RPS6KC1: variants seen among roughly 807,000 people sequenced by gnomAD.
RPS6KC1 encodes the protein inactive ribosomal protein S6 kinase delta-1.
RPS6KC1 carries 54 observed loss-of-function variants against 103.8 expected under a neutral mutation model. The observed-to-expected ratio is 0.52, with a 90% CI of 0.42 to 0.65. The LOEUF is 0.65. Ranked by LOEUF, RPS6KC1 falls within the 30% of genes least tolerant of loss-of-function variation. The pLI is 0.00. For synonymous variants in RPS6KC1, 439 were observed against 438.7 expected (o/e 1.00, Z -0.01); for missense variants, 1,151 against 1,253.8 (o/e 0.92, Z 1.24).
the RPS6KC1 span, among the ~76,000 whole-genome samples, chr1:213,583,585 C>T: frequency 6.6e-6 from 1 of 152,040 alleles, no homozygotes; most frequent in Non-Finnish European, 1.5e-5. Context: ...ATTTGGGAGA[C>T]CAAGGCTGGC....
chr1:213,708,674 A>G, the RPS6KC1 span, among the ~76,000 whole-genome samples: 1 of 152,154 alleles, frequency 6.6e-6, no homozygotes, highest in Admixed American at 6.5e-5. Context: ...TAAGTATGAT[A>G]TTAGCTGTGG....
chr1:213,388,292 G>A, the RPS6KC1 span, among the ~76,000 whole-genome samples: 5 of 152,342 alleles, frequency 3.3e-5, no homozygotes, highest in East Asian at 1.9e-4. Context: ...GCACGAAGAC[G>A]TGGCACACAA....
chr1:213,507,323 G>T, the RPS6KC1 span, among the ~76,000 whole-genome samples: 1 of 152,128 alleles, frequency 6.6e-6, no homozygotes, highest in Non-Finnish European at 1.5e-5. Context: ...GGACCATTGT[G>T]TTGGCAGCGC....
At chr1:213,788,465 G>A in the RPS6KC1 span, among the ~76,000 whole-genome samples, 1 of 152,026 alleles carries the variant, frequency 6.6e-6, no homozygotes, top group South Asian at 2.1e-4. Context: ...TTTCTATCAT[G>A]CGTTTCTTCT....
At chr1:213,067,678 C>G (rs558513351) in intron 1 of RPS6KC1, among the ~76,000 whole-genome samples, 1 of 152,174 alleles carries the variant, frequency 6.6e-6, no homozygotes, top group South Asian at 2.1e-4. Flanking sequence ...TCCCACCCCA[C>G]CACTGTGTAC....
the RPS6KC1 span, among the ~76,000 whole-genome samples, chr1:213,834,584 A>G: frequency 6.6e-6 from 1 of 152,168 alleles, no homozygotes; most frequent in Non-Finnish European, 1.5e-5. Context: ...GCAAAATAAA[A>G]TTAAAATATA....
the RPS6KC1 span, among the ~76,000 whole-genome samples, chr1:213,487,383 G>T: frequency 6.6e-6 from 1 of 152,122 alleles, no homozygotes; most frequent in African/African-American, 2.4e-5. Context: ...GTGACAAAGT[G>T]AGACCCTGTC....
At chr1:213,390,759 C>G in the RPS6KC1 span, among the ~76,000 whole-genome samples, 7 of 152,302 alleles carry the variant, frequency 4.6e-5, no homozygotes, top group East Asian at 5.8e-4. Flanking sequence ...TTTGAGGGCT[C>G]TATATTTTTG....
At chr1:213,288,601 A>G in the RPS6KC1 span, among the ~76,000 whole-genome samples, 1 of 152,242 alleles carries the variant, frequency 6.6e-6, no homozygotes, top group African/African-American at 2.4e-5. Flanking sequence ...AGAGAAAGCC[A>G]TAAAGTAAAC....
chr1:213,806,309 G>C, the RPS6KC1 span, among the ~76,000 whole-genome samples: 3 of 152,122 alleles, frequency 2.0e-5, no homozygotes, highest in Non-Finnish European at 4.4e-5. Context: ...TCCAGCCTGG[G>C]TGACAGAGCG....
chr1:213,303,401 T>C, the RPS6KC1 span, among the ~76,000 whole-genome samples: 3 of 152,184 alleles, frequency 2.0e-5, no homozygotes, highest in African/African-American at 7.2e-5. Context: ...TCCTGGAAAC[T>C]TGACACCATC....
chr1:213,328,681 G>C, the RPS6KC1 span, among the ~76,000 whole-genome samples: 1 of 151,560 alleles, frequency 6.6e-6, no homozygotes, highest in African/African-American at 2.4e-5. Flanking sequence ...GAGGAGAAAG[G>C]AAAGACATTC....
the RPS6KC1 span, among the ~76,000 whole-genome samples, chr1:213,803,805 G>T: frequency 6.6e-6 from 1 of 152,148 alleles, no homozygotes; most frequent in Non-Finnish European, 1.5e-5. Flanking sequence ...AGTTCTGAAA[G>T]TACCAAGTTG....
chr1:213,057,149 C>T (rs577861062), intron 1 of RPS6KC1, among the ~76,000 whole-genome samples: 1 of 152,024 alleles, frequency 6.6e-6, no homozygotes, highest in Non-Finnish European at 1.5e-5. Context: ...CCATGTTGCC[C>T]AGGCTGATCT....
intron 6 of RPS6KC1, among the ~76,000 whole-genome samples, chr1:213,144,492 G>T (rs574574753): frequency 6.6e-6 from 1 of 151,924 alleles, no homozygotes; most frequent in African/African-American, 2.4e-5. Context: ...TCCTCAAGAA[G>T]TACTCCAGCC....
the RPS6KC1 span, among the ~76,000 whole-genome samples, chr1:213,623,521 A>C: frequency 2.0e-5 from 3 of 152,200 alleles, no homozygotes; most frequent in African/African-American, 7.2e-5. Flanking sequence ...GACTGGTGGC[A>C]AAGGCAAATA....
chr1:213,829,232 TAC>T, the RPS6KC1 span, among the ~76,000 whole-genome samples: 2 of 124,244 alleles, frequency 1.6e-5, no homozygotes, highest in African/African-American at 6.1e-5. Context: ...ATGTCATGGG[TAC>T]AGTCACAGGA....
At chr1:213,133,103 G>T (rs78565110) in intron 6 of RPS6KC1, among the ~76,000 whole-genome samples, 223 of 152,192 alleles carry the variant, frequency 1.5e-3, no homozygotes, top group Middle Eastern at 6.8e-3. Context: ...TCTTAGAAAT[G>T]GTTCTTGGAA....
chr1:213,805,278 G>T, the RPS6KC1 span, among the ~76,000 whole-genome samples: 1 of 152,274 alleles, frequency 6.6e-6, no homozygotes, highest in East Asian at 1.9e-4. Context: ...AATCACAAAA[G>T]ATTTCTCTGT....
Sources: allele counts gnomAD v4.1 joint callset (sites outside exome capture counted in the v4.1 genomes callset), GRCh38; gene constraint gnomAD v4.1.1; transcripts MANE v1.5; gene names NCBI Gene and HGNC (gene_info 2026-07-23, HGNC 2026-07-21).